FILIP1L: variants seen among roughly 807,000 people sequenced by gnomAD.
The protein encoded by FILIP1L is filamin A interacting protein 1 like.
In FILIP1L, 55 loss-of-function variants were observed where a neutral mutation model predicts 96.6. The observed-to-expected ratio is 0.57, with a 90% CI of 0.46 to 0.71. The LOEUF (loss-of-function observed/expected upper bound fraction) is 0.71. FILIP1L is among the 30% of genes least tolerant of loss of function. The pLI is 0.00. For missense variants in FILIP1L, 1,304 were observed against 1,321.2 expected, an observed-to-expected ratio of 0.99 and a Z score of 0.20; for synonymous variants, 467 against 473.9, an observed-to-expected ratio of 0.99 and a Z score of 0.19.
intron 4 of FILIP1L, among the ~76,000 whole-genome samples, chr3:99,918,848 G>T (rs1559687690): frequency 6.6e-6 from 1 of 152,112 alleles, no homozygotes; most frequent in Non-Finnish European, 1.5e-5. Flanking sequence ...TTCTGTCAAA[G>T]AACTAGATGC....
At chr3:100,063,295 CA>C (rs2065605589) in intron 1 of FILIP1L, among the ~76,000 whole-genome samples, 1 of 152,064 alleles carries the variant, frequency 6.6e-6, no homozygotes, top group South Asian at 2.1e-4. Context: ...AAAATTTTAA[CA>C]GAAAATTTAA....
intron 4 of FILIP1L, among the ~76,000 whole-genome samples, chr3:99,901,001 G>C (rs545572997): frequency 6.6e-6 from 1 of 152,208 alleles, no homozygotes; most frequent in Non-Finnish European, 1.5e-5. Flanking sequence ...AGTTTGCTTT[G>C]CTTCTTATTG....
At chr3:100,061,553 A>G (rs2065566856) in intron 1 of FILIP1L, among the ~76,000 whole-genome samples, 1 of 152,260 alleles carries the variant, frequency 6.6e-6, no homozygotes, top group Non-Finnish European at 1.5e-5. Flanking sequence ...AAGAAGATGG[A>G]ACTTTTTTAA....
intron 1 of FILIP1L, among the ~76,000 whole-genome samples, chr3:100,080,111 A>G (rs2065907908): frequency 6.6e-6 from 1 of 152,100 alleles, no homozygotes; most frequent in South Asian, 2.1e-4. Flanking sequence ...TGCTGAAATA[A>G]GCTATTTTTC....
chr3:99,895,445 G>C (rs1706219750), intron 4 of FILIP1L, among the ~76,000 whole-genome samples: 1 of 150,358 alleles, frequency 6.7e-6, no homozygotes, highest in Non-Finnish European at 1.5e-5. Context: ...CTTATTCAAG[G>C]TACTGTATTT....
chr3:99,860,544 G>C (rs1465677933), intron 4 of FILIP1L, among the ~76,000 whole-genome samples: 3 of 152,148 alleles, frequency 2.0e-5, no homozygotes, highest in African/African-American at 7.2e-5. Context: ...CAAGTAAAAG[G>C]CCAGTCTGAG....
At chr3:99,890,763 A>G (rs1706059192) in intron 4 of FILIP1L, among the ~76,000 whole-genome samples, 1 of 151,622 alleles carries the variant, frequency 6.6e-6, no homozygotes, top group Non-Finnish European at 1.5e-5. Context: ...TATGTCTTAC[A>G]TGCTGTCTGA....
intron 5 of FILIP1L, among the ~76,000 whole-genome samples, chr3:99,837,595 C>T (rs1190166288): frequency 6.6e-6 from 1 of 152,152 alleles, no homozygotes; most frequent in Admixed American, 6.5e-5. Flanking sequence ...TTTGCAGTGG[C>T]AGTTTTTACT....
intron 1 of FILIP1L, among the ~76,000 whole-genome samples, chr3:100,076,434 T>A (rs1206334888): frequency 2.6e-5 from 4 of 152,252 alleles, no homozygotes; most frequent in Non-Finnish European, 5.9e-5. Flanking sequence ...ATTGTCAGCA[T>A]GTGCTGAGCC....
chr3:99,991,947 T>A (rs1413185996), intron 1 of FILIP1L, among the ~76,000 whole-genome samples: 1 of 149,248 alleles, frequency 6.7e-6, no homozygotes, highest in African/African-American at 2.5e-5. Flanking sequence ...TGTGTATATA[T>A]GTGTATATAT....
At position 99,849,218 on chromosome 3, in the gene FILIP1L, G is replaced by A. The variant is rs374898848; in HGVS notation, c.2458C>T (p.Arg820Cys). 1.5e-5 allele frequency: 24 copies of A among 1,613,936 alleles called. No homozygotes were observed. Among genetic ancestry groups the A allele is most frequent in the African/African-American group, 8.0e-5 (6 of 74,910 alleles). Residue 820 changes from arginine to cysteine, a missense_variant, in exon 5 of 6, where the codon CGT becomes TGT. Arg to Cys is a radical substitution (Grantham distance 180). Coordinates refer to ENST00000477258, the MANE Select transcript of FILIP1L (RefSeq NM_001387850.1). ...PDYKSLIPLE[R>C]AVINGQLYEE... is the part of the protein sequence containing the mutation. ...TATAACTGACCATTGATGACTGCAC[G>A]TTCCAGAGGAATGAGGCTCTTGTAA...
intron 1 of FILIP1L, among the ~76,000 whole-genome samples, chr3:100,072,015 C>T (rs577572150): frequency 2.0e-5 from 3 of 152,270 alleles, no homozygotes; most frequent in South Asian, 2.1e-4. Context: ...CAGTTGTCTC[C>T]GTGGCAAAGT....
chr3:100,034,342 T>C (rs530230385), intron 1 of FILIP1L, among the ~76,000 whole-genome samples: 1 of 152,198 alleles, frequency 6.6e-6, no homozygotes, highest in Non-Finnish European at 1.5e-5. Context: ...AGAAGTTATT[T>C]GGTCTGTATT....
At chr3:100,057,014 G>A (rs186967088) in intron 1 of FILIP1L, among the ~76,000 whole-genome samples, 1,831 of 151,664 alleles carry the variant, frequency 0.012, 23 homozygotes, top group African/African-American at 0.027. Context: ...AAAAAAAAAA[G>A]AATTGGGCAA....
chr3:100,002,093 G>A (rs1559721136), intron 1 of FILIP1L, among the ~76,000 whole-genome samples: 1 of 152,188 alleles, frequency 6.6e-6, no homozygotes, highest in East Asian at 1.9e-4. Flanking sequence ...GCCACTGCAA[G>A]TGGAAAACAT....
chr3:99,872,322 T>TGTGTGTGTGTGTGA (rs1491147270), intron 4 of FILIP1L, among the ~76,000 whole-genome samples: 2 of 141,116 alleles, frequency 1.4e-5, no homozygotes, highest in Non-Finnish European at 3.1e-5. Flanking sequence ...TGTGTGTGTG[T>TGTGTGTGTGTGTGA]GACTGTGGGG....
chr3:99,983,309 G>A (rs938313771), intron 1 of FILIP1L, among the ~76,000 whole-genome samples: 9 of 148,666 alleles, frequency 6.1e-5, no homozygotes, highest in South Asian at 4.3e-4. Context: ...CAAGGCAGGC[G>A]GATCACCTGA....
rs139566321 is a variant in FILIP1L, at chr3:99,830,263, C to T, written c.*151G>A. On this transcript the variant is annotated 3_prime_UTR_variant, in exon 6 of 6. Coordinates refer to ENST00000477258, the MANE Select transcript of FILIP1L (RefSeq NM_001387850.1). ...CATATAGAAGTAAAATAATTGTAGA[C>T]GTGCTGCTTTTTGGGGGATGATCTT... The T allele has an allele frequency of 2.1e-3, 730 of 341,258 alleles. 9 individuals carry two copies. Among genetic ancestry groups the T allele is most frequent in the African/African-American group, 0.015 (686 of 46,698 alleles). The allele number at this position is 341,258 out of a possible 1,614,324, so 21.1% of individuals were successfully genotyped here. A position where few individuals can be genotyped will look rare whatever the true frequency, so the allele number is the denominator to read the frequency against.
chr3:99,866,284 A>T (rs1305209739), intron 4 of FILIP1L, among the ~76,000 whole-genome samples: 1 of 152,112 alleles, frequency 6.6e-6, no homozygotes, highest in Non-Finnish European at 1.5e-5. Context: ...ACCAGAATGG[A>T]TAAGTTCACT....
Sources: gnomAD v4.1 joint callset for allele counts (sites outside exome capture counted in the v4.1 genomes callset) on GRCh38, gnomAD v4.1.1 for gene constraint, MANE v1.5 for transcripts, NCBI Gene and HGNC (gene_info 2026-07-23, HGNC 2026-07-21) for gene names.